SLC28A2: variants seen among roughly 807,000 people sequenced by gnomAD.
SLC28A2 encodes sodium/nucleoside cotransporter 2.
SLC28A2 carries 69 observed loss-of-function variants against 72.9 expected under a neutral mutation model. The ratio of observed to expected loss-of-function variants is 0.95; its 90% confidence interval spans 0.78 to 1.16. SLC28A2 has a LOEUF of 1.16. Among genes scored for constraint, SLC28A2 ranks in the 50% most tolerant of loss-of-function variants. SLC28A2 has a pLI of 0.00. For synonymous variants in SLC28A2, 296 were observed against 294.1 expected, an observed-to-expected ratio of 1.01 and a Z score of -0.07; for missense variants, 745 against 791.1, an observed-to-expected ratio of 0.94 and a Z score of 0.70.
intron 16 of SLC28A2, 111 bp from the exon 17 acceptor site, chr15:45,272,562 C>G (rs1037891145): frequency 1.2e-6 from 1 of 829,302 alleles, no homozygotes; most frequent in African/African-American, 1.7e-5. Flanking sequence ...TCCACAGATA[C>G]ATGGCAAAGG....
chr15:45,260,019 CTTAAA>C (rs1595673238), intron 3 of SLC28A2, among the ~76,000 whole-genome samples: 1 of 152,086 alleles, frequency 6.6e-6, no homozygotes, highest in African/African-American at 2.4e-5. Context: ...AGATGGCATA[CTTAAA>C]TTAAGATAAT....
chr15:45,275,607 C>T lies in SLC28A2; in HGVS notation c.*94C>T, dbSNP rs561068068. On this transcript the variant is annotated 3_prime_UTR_variant, in exon 18 of 18. Coordinates refer to ENST00000347644, the MANE Select transcript of SLC28A2 (RefSeq NM_004212.4). ...CTCAGGGTGCCCACAACTCACTCAC[C>T]AAGATGTTTAACAGTAAGTAACAGT... 1 of 759,268 alleles carries T rather than the reference C, an allele frequency of 1.3e-6. No individual in the cohort carries two copies. The highest frequency in any genetic ancestry group is 2.3e-6 in the Non-Finnish European group (1 of 436,556). 47.0% of individuals were successfully genotyped at this position (759,268 alleles called of 1,614,324 possible). A position where few individuals can be genotyped will look rare whatever the true frequency, so the allele number is the denominator to read the frequency against.
chr15:45,264,016 C>T lies in SLC28A2; in HGVS notation c.582C>T (p.His194=), dbSNP rs562313082. The T allele has an allele frequency of 1.2e-6, 2 of 1,610,720 alleles. No individual in the cohort carries two copies. Among genetic ancestry groups the T allele is most frequent in the Non-Finnish European group, 1.7e-6 (2 of 1,178,334 alleles). Residue 194 remains histidine, a synonymous_variant, in exon 6 of 18, where the codon CAC becomes CAT. Transcript: ENST00000347644. ...ILILFACSKH[H]SAVSWRTVFS... The stretch of plus-strand genomic sequence containing the variant: ...TCCTCTTTGCCTGCTCCAAACACCA[C>T]AGCGCAGTGAGTTTTGGGTATTTGG...
intron 17 of SLC28A2, among the ~76,000 whole-genome samples, chr15:45,274,774 T>G (rs1397743194): frequency 6.6e-6 from 1 of 151,186 alleles, no homozygotes; most frequent in East Asian, 1.9e-4. Flanking sequence ...AGACACAGGC[T>G]CACTCTGTTG....
At chr15:45,264,157 T>C (rs1354284426) in intron 6 of SLC28A2, 135 bp downstream of exon 6, 4 of 811,232 alleles carry the variant, frequency 4.9e-6, no homozygotes, top group Non-Finnish European at 7.1e-6. Flanking sequence ...TTTGCCTCTT[T>C]GATAATTTTG....
Position 45,266,096 on chromosome 15 carries a change from C to A in SLC28A2, c.877C>A (p.Gln293Lys). 6.2e-7 allele frequency: 1 copy of A among 1,613,222 alleles called. No individual in the cohort carries two copies. Among genetic ancestry groups the A allele is most frequent in the Non-Finnish European group, 8.5e-7 (1 of 1,179,182 alleles). The change falls in exon 10 of 18, where the codon CAA (glutamine) becomes AAA (lysine). Residue 293 changes from glutamine (Q) to lysine (K), a missense_variant. By Grantham distance (53) the Gln-to-Lys change is moderately conservative. Transcript: ENST00000347644. ...ATTCTTCTAGGTCGCCTGGTTTTTA[C>A]AAATCACTATGGGCACCACTGCTAC... ...WVVQKVAWFLQITMGTTATET... is the reference protein window; with the variant it reads ...WVVQKVAWFLKITMGTTATET...
Position 45,259,801 on chromosome 15 carries a change from T to G in SLC28A2, c.171-2214T>G, listed in dbSNP as rs539923483. On this transcript the variant is annotated intron_variant, in intron 3 of 17. Transcript: ENST00000347644. ...ACAGGTAAACAGAAAAATGACAATA[T>G]CATGCTATATGGTAAGTGCTATATG... is the stretch of plus-strand genomic sequence containing the variant. Among the ~76,000 whole-genome samples, 16 of 152,258 alleles carry G rather than the reference T, an allele frequency of 1.1e-4. No individual in the cohort carries two copies. In the East Asian group the frequency reaches 3.1e-3, roughly 29 times the overall value.
chr15:45,255,601 TA>T (rs1201423352), intron 3 of SLC28A2, among the ~76,000 whole-genome samples: 1 of 152,186 alleles, frequency 6.6e-6, no homozygotes, highest in Non-Finnish European at 1.5e-5. Flanking sequence ...AGACCTTATT[TA>T]CAGTATTCGC....
chr15:45,264,229 T>C (rs2140569018), intron 6 of SLC28A2, among the ~76,000 whole-genome samples: 1 of 152,330 alleles, frequency 6.6e-6, no homozygotes, highest in Middle Eastern at 3.4e-3. Context: ...AAACTGTAGA[T>C]TGTGATCCAT....
Position 45,272,113 on chromosome 15 carries a change from C to A in SLC28A2, c.1649-182C>A, listed in dbSNP as rs919027823. Reference sequence around the variant, plus strand: ...AGGAAAGTCTAAGTTAGTGATCCCTCAGGACTAATGTATACACACACTTCT... The same window carrying A: ...AGGAAAGTCTAAGTTAGTGATCCCTAAGGACTAATGTATACACACACTTCT... On this transcript the variant is annotated intron_variant, in intron 15 of 17. Coordinates refer to ENST00000347644, the MANE Select transcript of SLC28A2 (RefSeq NM_004212.4). 4 of 563,620 alleles carry A rather than the reference C, an allele frequency of 7.1e-6. No individual in the cohort carries two copies. The African/African-American group carries it at 7.5e-5, about 11-fold the overall frequency. 34.9% of individuals were successfully genotyped at this position (563,620 alleles called of 1,614,324 possible).
rs1900465546 is a variant in SLC28A2, at chr15:45,269,358, A to G, written c.1389A>G (p.Leu463=). ...LTFQVICSYL[L]RPMVFMMGVE... Reference sequence around the variant, plus strand: ...CTCAGGTCATCTGCTCCTATCTCCTAAGGCCCATGGTTTTCATGATGGGTG... The same window carrying G: ...CTCAGGTCATCTGCTCCTATCTCCTGAGGCCCATGGTTTTCATGATGGGTG... Residue 463 remains leucine, a synonymous_variant, in exon 14 of 18, where the codon CTA becomes CTG. Coordinates refer to ENST00000347644, the MANE Select transcript of SLC28A2 (RefSeq NM_004212.4). The G allele has an allele frequency of 6.2e-7, 1 of 1,613,536 alleles. No individual in the cohort carries two copies. The highest frequency in any genetic ancestry group is 8.5e-7 in the Non-Finnish European group (1 of 1,179,722).
intron 10 of SLC28A2, among the ~76,000 whole-genome samples, chr15:45,267,196 T>C (rs1043945895): frequency 5.3e-5 from 8 of 152,172 alleles, no homozygotes; most frequent in Non-Finnish European, 1.2e-4. Context: ...AACATGTCAA[T>C]AGATGAAACA....
rs751844210 is a variant in SLC28A2, at chr15:45,263,233, T to C, written c.435T>C (p.Leu145=). 2.5e-6 allele frequency: 4 copies of C among 1,613,364 alleles called. No individual in the cohort carries two copies. Among genetic ancestry groups the C allele is most frequent in the African/African-American group, 1.3e-5 (1 of 74,830 alleles). ...LKPFENSRLR[L]WTKWVFAGVS... ...CCTTTGAAAACTCCCGCCTGAGGCT[T>C]TGGACGAAATGGTAAGATAAGAATC... is the stretch of plus-strand genomic sequence containing the variant. Residue 145 remains leucine (L), a synonymous_variant, in exon 5 of 18, where the codon CTT becomes CTC. Transcript: ENST00000347644.
intron 8 of SLC28A2, 94 bp downstream of exon 8, chr15:45,265,260 C>G: frequency 1.2e-6 from 1 of 860,844 alleles, no homozygotes; most frequent in Non-Finnish European, 2.0e-6. Flanking sequence ...ATCAGCGCCC[C>G]TGTATACCAA....
At chr15:45,261,879 T>C (rs1900174431) in intron 3 of SLC28A2, 136 bp from the exon 4 acceptor site, 3 of 699,600 alleles carry the variant, frequency 4.3e-6, no homozygotes, top group Non-Finnish European at 7.8e-6. Context: ...CTACCTAACT[T>C]CCTCCTGGCT....
chr15:45,267,520 G>A lies in SLC28A2; in HGVS notation c.1008G>A (p.Val336=), dbSNP rs1249058678. The change falls in exon 11 of 18, where the codon GTG becomes GTA. Residue 336 remains valine (V), a synonymous_variant. Coordinates refer to ENST00000347644, the MANE Select transcript of SLC28A2 (RefSeq NM_004212.4). ...TGACACTCTCTGAAATCCATGCGGT[G>A]ATGACTGGAGGGTTTGCCACCATTT... The part of the protein sequence containing the change: ...GDMTLSEIHA[V]MTGGFATISG... The A allele has an allele frequency of 1.2e-6, 2 of 1,614,072 alleles. No individual in the cohort carries two copies. The highest frequency in any genetic ancestry group is 1.7e-6 in the Non-Finnish European group (2 of 1,180,040).
chr15:45,257,390 G>A (rs1184188902), intron 3 of SLC28A2, among the ~76,000 whole-genome samples: 2 of 152,092 alleles, frequency 1.3e-5, no homozygotes, highest in East Asian at 3.9e-4. Flanking sequence ...ATACTGGACT[G>A]TAAATACATT....
chr15:45,252,911 G>C (rs1208951663), intron 1 of SLC28A2, among the ~76,000 whole-genome samples: 5 of 152,130 alleles, frequency 3.3e-5, no homozygotes. Flanking sequence ...TGGGGCCCTG[G>C]GCGGCCCACT....
Position 45,267,612 on chromosome 15 carries a change from G to T in SLC28A2, c.1068+32G>T, listed in dbSNP as rs780666095. 1.1e-5 allele frequency: 18 copies of T among 1,614,096 alleles called. No homozygotes were observed. The Admixed American group carries it at 3.0e-4, about 27-fold the overall frequency. On this transcript the variant is annotated intron_variant, in intron 11 of 17. Transcript: ENST00000347644. Reference sequence around the variant, plus strand: ...ATAGTCTGCTTGATCACTCCTGGGTGAACTCGAGTTGGGTTTGATAGAAAC... The same window carrying T: ...ATAGTCTGCTTGATCACTCCTGGGTTAACTCGAGTTGGGTTTGATAGAAAC...
Sources: gnomAD v4.1 joint callset for allele counts (sites outside exome capture counted in the v4.1 genomes callset) on GRCh38, gnomAD v4.1.1 for gene constraint, MANE v1.5 for transcripts, NCBI Gene and HGNC (gene_info 2026-07-23, HGNC 2026-07-21) for gene names.